SGSM1: variants seen among roughly 807,000 people sequenced by gnomAD.
The protein encoded by SGSM1 is small G protein signaling modulator 1.
In SGSM1, 73 loss-of-function variants were observed where a neutral mutation model predicts 133.8. That is an observed-to-expected ratio of 0.55 (90% confidence interval 0.45 to 0.66). SGSM1 has a LOEUF of 0.66. Among genes scored for constraint, SGSM1 ranks in the 30% least tolerant of loss-of-function variants. The pLI, the probability that SGSM1 is intolerant of heterozygous loss-of-function variation, is 0.00. For missense variants in SGSM1, 1,213 were observed against 1,448.1 expected, an observed-to-expected ratio of 0.84 and a Z score of 2.64; for synonymous variants, 563 against 573.0, an observed-to-expected ratio of 0.98 and a Z score of 0.25.
Position 24,868,378 on chromosome 22 carries a change from G to A in SGSM1, c.997G>A (p.Asp333Asn). 2 of 1,606,874 alleles carry A rather than the reference G, an allele frequency of 1.2e-6. No homozygotes were observed. The highest frequency in any genetic ancestry group is 1.7e-4 in the Middle Eastern group (1 of 6,014). The change falls in exon 11 of 25, where the codon GAC becomes AAC. Residue 333 changes from aspartate to asparagine, a missense_variant and splice_region_variant. Asp to Asn is a conservative substitution (Grantham distance 23). Transcript: ENST00000400358. ...TCTCTGGCTGGTGGTGGCGGCAGTT[G>A]ACAGCGGCGGGACAGTGGTATTGGT... ...IVYLHCHQQV[D>N]SGGTVVLVSQ... is the part of the protein sequence containing the mutation.
At chr22:24,874,443 C>T in intron 12 of SGSM1, 1 of 1,612,698 alleles carries the variant, frequency 6.2e-7, no homozygotes, top group Non-Finnish European at 8.5e-7. Flanking sequence ...GCAGCACTTC[C>T]TCCGTCTCTG....
intron 21 of SGSM1, among the ~76,000 whole-genome samples, chr22:24,910,170 C>T (rs1318888772): frequency 1.3e-5 from 2 of 151,944 alleles, no homozygotes; most frequent in Non-Finnish European, 2.9e-5. Context: ...AAAGACTAGT[C>T]GTTGACAGGG....
At chr22:24,889,791 A>C (rs182989691) in intron 16 of SGSM1, among the ~76,000 whole-genome samples, 1 of 149,192 alleles carries the variant, frequency 6.7e-6, no homozygotes, top group African/African-American at 2.5e-5. Flanking sequence ...CTGGGACTAC[A>C]GGCGCCCGCC....
chr22:24,842,619 A>G (rs979888349), intron 2 of SGSM1, among the ~76,000 whole-genome samples: 3 of 152,152 alleles, frequency 2.0e-5, no homozygotes, highest in Non-Finnish European at 1.5e-5. Flanking sequence ...AGAGCCTGGC[A>G]GGGAAAACAA....
chr22:24,861,632 C>T (rs570241782), intron 9 of SGSM1, among the ~76,000 whole-genome samples: 11 of 150,846 alleles, frequency 7.3e-5, no homozygotes, highest in East Asian at 4.0e-4. Flanking sequence ...ACTGCAACCT[C>T]TGCTTCCTGG....
chr22:24,837,283 G>A (rs1233984771), intron 2 of SGSM1, among the ~76,000 whole-genome samples: 8 of 152,244 alleles, frequency 5.3e-5, no homozygotes, highest in African/African-American at 1.9e-4. Context: ...GCCCTTCCCT[G>A]CCTGGCAGCT....
chr22:24,899,687 A>G (rs1933058306), intron 19 of SGSM1, among the ~76,000 whole-genome samples: 1 of 151,518 alleles, frequency 6.6e-6, no homozygotes, highest in Non-Finnish European at 1.5e-5. Flanking sequence ...ACGCCCGGCT[A>G]ATTTTTTGTG....
chr22:24,903,711 G>T (rs751993174), intron 20 of SGSM1, among the ~76,000 whole-genome samples: 13 of 152,098 alleles, frequency 8.5e-5, no homozygotes, highest in Admixed American at 2.6e-4. Flanking sequence ...GAAACCATAG[G>T]CTGGGCACGG....
chr22:24,833,215 G>A (rs1929221137), intron 2 of SGSM1, among the ~76,000 whole-genome samples: 1 of 151,766 alleles, frequency 6.6e-6, no homozygotes, highest in Non-Finnish European at 1.5e-5. Context: ...GATTACAGGA[G>A]TAAGCCACCA....
At position 24,819,904 on chromosome 22, in the gene SGSM1, C is replaced by T. The variant is rs528817407; in HGVS notation, c.63+13420C>T. Among the ~76,000 whole-genome samples, 82 of 152,314 alleles carry T rather than the reference C, an allele frequency of 5.4e-4. 1 individual carries two copies. Among genetic ancestry groups the T allele is most frequent in the Admixed American group, 1.1e-3 (17 of 15,298 alleles). The stretch of plus-strand genomic sequence containing the variant: ...CCGTTTTCTGCAGCTGCCCAAACCA[C>T]CTTCCCCTCCACGCCCCCAAGTTTG... On this transcript the variant is annotated intron_variant, in intron 2 of 24. Coordinates refer to ENST00000400358, the MANE Select transcript of SGSM1 (RefSeq NM_001098497.3).
At chr22:24,837,578 A>AC (rs71189302) in intron 2 of SGSM1, among the ~76,000 whole-genome samples, 7,026 of 51,492 alleles carry the variant, frequency 0.14, 520 homozygotes, top group South Asian at 0.22. Context: ...GGAAAGGGAG[A>AC]CCCCCCCCCC....
chr22:24,877,802 C>CTTTTTTTTTTTTT (rs36036968), intron 13 of SGSM1, among the ~76,000 whole-genome samples: 3 of 75,450 alleles, frequency 4.0e-5, no homozygotes, highest in African/African-American at 5.3e-5. Context: ...TTCTTTCTTT[C>CTTTTTTTTTTTTT]TTTTTTTTTT....
chr22:24,904,133 CCTGT>C (rs1358855698), intron 20 of SGSM1, among the ~76,000 whole-genome samples: 1 of 152,084 alleles, frequency 6.6e-6, no homozygotes, highest in Non-Finnish European at 1.5e-5. Context: ...ATGTCATTTA[CCTGT>C]CTATGCTTCA....
chr22:24,841,850 C>G (rs1346345822), intron 2 of SGSM1, among the ~76,000 whole-genome samples: 1 of 152,226 alleles, frequency 6.6e-6, no homozygotes, highest in Non-Finnish European at 1.5e-5. Context: ...CAACCTCTGC[C>G]TCCCAAGTAC....
chr22:24,894,879 A>G (rs560690293), intron 17 of SGSM1, among the ~76,000 whole-genome samples: 28 of 137,418 alleles, frequency 2.0e-4, no homozygotes, highest in East Asian at 1.2e-3. Flanking sequence ...GGATCATGGG[A>G]AAAAAAAAAG....
At chr22:24,858,900 G>A (rs931397627) in intron 8 of SGSM1, among the ~76,000 whole-genome samples, 2 of 152,242 alleles carry the variant, frequency 1.3e-5, no homozygotes, top group African/African-American at 4.8e-5. Flanking sequence ...TTGAACAGCT[G>A]TGGCTGAGTC....
intron 13 of SGSM1, among the ~76,000 whole-genome samples, chr22:24,879,039 TGGCTCCC>T (rs1932178449): frequency 6.6e-6 from 1 of 152,232 alleles, no homozygotes; most frequent in Non-Finnish European, 1.5e-5. Flanking sequence ...GTGGCAAAGA[TGGCTCCC>T]AGCAGCCACT....
At chr22:24,819,962 GTCTTCGTGTA>G (rs1171768506) in intron 2 of SGSM1, among the ~76,000 whole-genome samples, 1 of 152,152 alleles carries the variant, frequency 6.6e-6, no homozygotes, top group Non-Finnish European at 1.5e-5. Flanking sequence ...TGGGCTCCAA[GTCTTCGTGTA>G]TCTTCCTCAT....
rs139769 is a variant in SGSM1 at position 24,914,482 on chromosome 22, C to CA, written c.2928+1739dup. ...CAGAGCGAGACTCTGTCCCCCCCCC[C>CA]AAAAAAAAATTAACCATAGATTTTT... On this transcript the variant is annotated intron_variant, in intron 22 of 24. Transcript: ENST00000400358. 6.7e-4 allele frequency among the ~76,000 whole-genome samples: 100 copies of CA among 148,326 alleles called. 2 individuals are homozygous for CA. The South Asian group carries it at 0.021, about 31-fold the overall frequency.
Sources: allele counts gnomAD v4.1 joint callset (sites outside exome capture counted in the v4.1 genomes callset), GRCh38; gene constraint gnomAD v4.1.1; transcripts MANE v1.5; gene names NCBI Gene and HGNC (gene_info 2026-07-23, HGNC 2026-07-21).